Variants in ROBO2 observed in about 807,000 individuals in gnomAD.
ROBO2 encodes the protein roundabout guidance receptor 2, also known as roundabout homolog 2.
ROBO2 carries 53 observed loss-of-function variants against 160.8 expected under a neutral mutation model. The ratio of observed to expected loss-of-function variants is 0.33; its 90% CI spans 0.26 to 0.41. The LOEUF (loss-of-function observed/expected upper bound fraction) is 0.41. ROBO2 is among the 10% of genes least tolerant of loss of function. The pLI, the probability that ROBO2 is intolerant of heterozygous loss-of-function variation, is 1.00. For synonymous variants in ROBO2, 664 were observed against 611.7 expected (o/e 1.09, Z -1.26); for missense variants, 1,577 against 1,722.4 (o/e 0.92, Z 1.49).
intron 2 of ROBO2, among the ~76,000 whole-genome samples, chr3:76,305,388 A>C (rs1426909747): frequency 1.3e-4 from 1 of 7,612 alleles, no homozygotes; most frequent in East Asian, 1.3e-3. Flanking sequence ...AAGATCTGTC[A>C]AAAAAAAAAA....
chr3:77,407,466 A>G (rs1283320006), intron 2 of ROBO2, among the ~76,000 whole-genome samples: 1 of 152,230 alleles, frequency 6.6e-6, no homozygotes, highest in Admixed American at 6.5e-5. Flanking sequence ...AGCAAAGCTA[A>G]TTACAGTACA....
chr3:76,754,376 G>A (rs368113061), intron 2 of ROBO2, among the ~76,000 whole-genome samples: 5 of 151,830 alleles, frequency 3.3e-5, no homozygotes, highest in Admixed American at 2.0e-4. Context: ...TAACTGCACC[G>A]TATACATTAC....
intron 2 of ROBO2, among the ~76,000 whole-genome samples, chr3:76,772,613 G>C (rs763426994): frequency 4.1e-5 from 6 of 146,520 alleles, no homozygotes; most frequent in Non-Finnish European, 9.1e-5. Flanking sequence ...AGTTTACTTT[G>C]TTATTACTGG....
At chr3:75,958,515 A>C (rs1313248681) in intron 2 of ROBO2, among the ~76,000 whole-genome samples, 1 of 151,740 alleles carries the variant, frequency 6.6e-6, no homozygotes, top group Admixed American at 6.6e-5. Context: ...ATAGGGAGTT[A>C]AAGGATAAAT....
At chr3:77,095,696 T>C (rs543600129) in intron 1 of ROBO2, among the ~76,000 whole-genome samples, 1 of 152,308 alleles carries the variant, frequency 6.6e-6, no homozygotes, top group Admixed American at 6.5e-5. Context: ...TGTCCAGACC[T>C]TTACATTGAG....
At chr3:77,490,903 G>C (rs1048737054) in intron 4 of ROBO2, among the ~76,000 whole-genome samples, 11 of 152,150 alleles carry the variant, frequency 7.2e-5, no homozygotes, top group Non-Finnish European at 1.5e-4. Flanking sequence ...TTACAAGAAC[G>C]CTTTGACCTA....
intron 2 of ROBO2, among the ~76,000 whole-genome samples, chr3:76,868,262 G>A (rs376006050): frequency 1.8e-4 from 27 of 152,108 alleles, no homozygotes; most frequent in African/African-American, 5.3e-4. Flanking sequence ...TTGAATTTCA[G>A]GTGACAAATG....
intron 2 of ROBO2, among the ~76,000 whole-genome samples, chr3:76,585,230 ATTT>A (rs2085958879): frequency 1.3e-5 from 2 of 152,186 alleles, no homozygotes; most frequent in Non-Finnish European, 2.9e-5. Flanking sequence ...AAGGGACTTT[ATTT>A]TACTATGAAG....
At chr3:76,619,653 T>TTAC (rs1560246344) in intron 2 of ROBO2, among the ~76,000 whole-genome samples, 2 of 152,034 alleles carry the variant, frequency 1.3e-5, no homozygotes. Context: ...AAGGACATTA[T>TTAC]CATTATGTAT....
intron 2 of ROBO2, among the ~76,000 whole-genome samples, chr3:77,307,744 A>T (rs991115194): frequency 2.0e-5 from 3 of 152,104 alleles, no homozygotes; most frequent in African/African-American, 4.8e-5. Flanking sequence ...TTAGCTGAGC[A>T]TGGTGGCGGG....
chr3:77,125,986 ATT>A (rs1413767898), intron 2 of ROBO2, among the ~76,000 whole-genome samples: 1 of 152,192 alleles, frequency 6.6e-6, no homozygotes, highest in Non-Finnish European at 1.5e-5. Context: ...GGTTATTATC[ATT>A]TATTCAGCTC....
chr3:77,278,994 C>G (rs1169620228), intron 2 of ROBO2, among the ~76,000 whole-genome samples: 1 of 152,070 alleles, frequency 6.6e-6, no homozygotes, highest in Non-Finnish European at 1.5e-5. Flanking sequence ...TTTCATTTTA[C>G]TGAAGAGGAG....
At chr3:77,527,301 C>A in intron 6 of ROBO2, 102 bp from the exon 7 acceptor site, 1 of 808,574 alleles carries the variant, frequency 1.2e-6, no homozygotes, top group South Asian at 1.6e-5. Flanking sequence ...CTCTATTGTC[C>A]ATACTTAAAT....
intron 2 of ROBO2, among the ~76,000 whole-genome samples, chr3:76,380,766 A>G (rs1323098334): frequency 1.3e-5 from 2 of 152,160 alleles, no homozygotes; most frequent in Non-Finnish European, 2.9e-5. Context: ...CCTAACCCCC[A>G]TGTTGTTCAA....
chr3:76,267,455 T>C (rs1707167148), intron 2 of ROBO2, among the ~76,000 whole-genome samples: 1 of 152,178 alleles, frequency 6.6e-6, no homozygotes, highest in African/African-American at 2.4e-5. Flanking sequence ...TTTTGGGATG[T>C]TGCAGGTTTT....
At chr3:76,046,683 TC>T (rs1372213404) in intron 2 of ROBO2, among the ~76,000 whole-genome samples, 1 of 151,954 alleles carries the variant, frequency 6.6e-6, no homozygotes, top group Non-Finnish European at 1.5e-5. Flanking sequence ...CTGGACCACA[TC>T]ATACTGGGCC....
intron 2 of ROBO2, among the ~76,000 whole-genome samples, chr3:76,212,029 T>C (rs1171443394): frequency 6.6e-6 from 1 of 152,052 alleles, no homozygotes; most frequent in East Asian, 1.9e-4. Flanking sequence ...AATACATTTA[T>C]GCATTTCATG....
chr3:76,680,368 A>AAG (rs996696833), intron 2 of ROBO2, among the ~76,000 whole-genome samples: 1 of 151,838 alleles, frequency 6.6e-6, no homozygotes, highest in African/African-American at 2.4e-5. Context: ...TAAAAAAAAA[A>AAG]AAAAAACGGC....
At chr3:77,268,309 A>G (rs1320392104) in intron 2 of ROBO2, among the ~76,000 whole-genome samples, 2 of 152,180 alleles carry the variant, frequency 1.3e-5, no homozygotes, top group Non-Finnish European at 1.5e-5. Context: ...AGTTTTTATA[A>G]AATATATTAG....
Sources: allele counts gnomAD v4.1 joint callset (sites outside exome capture counted in the v4.1 genomes callset), GRCh38; gene constraint gnomAD v4.1.1; transcripts MANE v1.5; gene names NCBI Gene and HGNC (gene_info 2026-07-23, HGNC 2026-07-21).